The following CFAP97D2 variants were observed in gnomAD, a reference collection of about 807,000 sequenced individuals.
CFAP97D2 encodes the protein uncharacterized protein CFAP97D2.
intron 1 of CFAP97D2, among the ~76,000 whole-genome samples, chr13:114,191,320 G>A (rs1286401966): frequency 6.6e-6 from 1 of 152,172 alleles, no homozygotes; most frequent in Non-Finnish European, 1.5e-5. Flanking sequence ...ACAATGTCTG[G>A]AGAATCAGGA....
chr13:114,212,696 C>CA (rs2080973148), intron 4 of CFAP97D2, among the ~76,000 whole-genome samples: 1 of 151,894 alleles, frequency 6.6e-6, no homozygotes, highest in Non-Finnish European at 1.5e-5. Context: ...AAAAAAAATA[C>CA]AAAAAATTAG....
At chr13:114,210,121 A>C (rs1566615944) in intron 3 of CFAP97D2, among the ~76,000 whole-genome samples, 1 of 152,184 alleles carries the variant, frequency 6.6e-6, no homozygotes, top group African/African-American at 2.4e-5. Flanking sequence ...CCAAATATAT[A>C]ATAGAGTTAT....
rs150888510 is a variant in CFAP97D2, at chr13:114,179,429, G to C, written c.90+9G>C. 12 of 398,660 alleles carry C rather than the reference G, an allele frequency of 3.0e-5. No individual in the cohort carries two copies. The Admixed American group carries it at 5.3e-4, about 18-fold the overall frequency. 24.7% of individuals were successfully genotyped at this position (398,660 alleles called of 1,614,324 possible). ...AGGACCACAGGAGAAAGGTAGGAAA[G>C]TCCCCAATCCAGCCCTGACAGCTCA... On this transcript the variant is annotated intron_variant, in intron 1 of 4. Coordinates refer to ENST00000646158, the Ensembl canonical transcript of CFAP97D2. This position sits in a 1 kb window ranked among gnomAD's most constrained non-coding sequence, Gnocchi z 4.8.
chr13:114,180,927 C>CAG (rs2080829730), intron 1 of CFAP97D2, among the ~76,000 whole-genome samples: 1 of 152,164 alleles, frequency 6.6e-6, no homozygotes, highest in African/African-American at 2.4e-5. Context: ...ATGGGAGGTG[C>CAG]AGAGATGATT....
In CFAP97D2 at chr13:114,207,624, CA is replaced by C. The variant is rs1359331162; in HGVS notation, c.291-4287del. On this transcript the variant is annotated intron_variant, in intron 3 of 4. Transcript: ENST00000646158. The surrounding 1 kb of genome is among the most constrained non-coding windows in gnomAD (Gnocchi z 4.9). ...CAGCAATGGGGAGTGGCTGTGAATA[CA>C]GATGAAGCTTCGCTCCCTCGCCTGC... Among the ~76,000 whole-genome samples the C allele has an allele frequency of 2.0e-5, 3 of 152,212 alleles. No homozygotes were observed. The highest frequency in any genetic ancestry group is 7.2e-5 in the African/African-American group (3 of 41,456).
chr13:114,181,824 A>G (rs1360792496), intron 1 of CFAP97D2, among the ~76,000 whole-genome samples: 2 of 152,150 alleles, frequency 1.3e-5, no homozygotes, highest in Non-Finnish European at 2.9e-5. Context: ...CCTCATCCTC[A>G]GCCCAGCCTT....
intron 3 of CFAP97D2, among the ~76,000 whole-genome samples, chr13:114,209,639 G>T (rs1360807434): frequency 6.6e-6 from 1 of 152,142 alleles, no homozygotes; most frequent in Non-Finnish European, 1.5e-5. Context: ...TGCTCGTTCT[G>T]GCTCCACCGT....
At chr13:114,201,950 AC>A (rs2080919644) in intron 3 of CFAP97D2, among the ~76,000 whole-genome samples, 1 of 152,136 alleles carries the variant, frequency 6.6e-6, no homozygotes, top group South Asian at 2.1e-4. Context: ...CATATGATAC[AC>A]CCATGACACC....
Position 114,216,002 on chromosome 13 carries a change from C to T in CFAP97D2, c.480+3901C>T, listed in dbSNP as rs148615462. 2.4e-3 allele frequency among the ~76,000 whole-genome samples: 372 copies of T among 152,292 alleles called. 1 individual carries two copies. Among genetic ancestry groups the T allele is most frequent in the African/African-American group, 8.1e-3 (337 of 41,554 alleles). On this transcript the variant is annotated intron_variant, in intron 4 of 4. Coordinates refer to ENST00000646158, the Ensembl canonical transcript of CFAP97D2. ...TTTTGGGGATGAGATTTAACAATCCCGCACATGTCTTGTTTCTAGGTATGA... is the reference window on the plus strand; with the variant it reads ...TTTTGGGGATGAGATTTAACAATCCTGCACATGTCTTGTTTCTAGGTATGA...
Position 114,185,010 on chromosome 13 carries a change from G to A in CFAP97D2, c.90+5590G>A, listed in dbSNP as rs1473513212. On this transcript the variant is annotated intron_variant, in intron 1 of 4. Coordinates refer to ENST00000646158, the Ensembl canonical transcript of CFAP97D2. This position sits in a 1 kb window ranked among gnomAD's most constrained non-coding sequence, Gnocchi z 5.2. ...CACTGTCATCATGTCAGTTGCAGTG[G>A]GTGGGGGGTGGTGCATGGGTGGTGG... is the stretch of plus-strand genomic sequence containing the variant. Among the ~76,000 whole-genome samples, 1 of 152,188 alleles carries A rather than the reference G, an allele frequency of 6.6e-6. No homozygotes were observed.
rs749117725 is a variant in CFAP97D2, at chr13:114,222,006, A to G, written c.481-492A>G. On this transcript the variant is annotated intron_variant, in intron 4 of 4. Coordinates refer to ENST00000646158, the Ensembl canonical transcript of CFAP97D2. The surrounding 1 kb of genome is among the most constrained non-coding windows in gnomAD (Gnocchi z 4.4). The stretch of plus-strand genomic sequence containing the variant: ...AGATAAAACGTGGTATAGCCATAGA[A>G]TGGAATATTATTCTACCATAAAAAG... Among the ~76,000 whole-genome samples, 1 of 152,262 alleles carries G rather than the reference A, an allele frequency of 6.6e-6. No homozygotes were observed. The highest frequency in any genetic ancestry group is 1.5e-5 in the Non-Finnish European group (1 of 68,048).
chr13:114,221,018 A>G (rs1293128010), intron 4 of CFAP97D2, among the ~76,000 whole-genome samples: 2 of 152,234 alleles, frequency 1.3e-5, no homozygotes, highest in Non-Finnish European at 2.9e-5. Flanking sequence ...GGAGGCCGAG[A>G]CAGGCGGATC....
chr13:114,188,271 CA>C (rs35727895), intron 1 of CFAP97D2, among the ~76,000 whole-genome samples: 11,416 of 84,534 alleles, frequency 0.14, 620 homozygotes, highest in African/African-American at 0.27. Flanking sequence ...GACCCTGTCT[CA>C]AAAAAAAAAA....
At chr13:114,182,540 A>G (rs942652233) in intron 1 of CFAP97D2, among the ~76,000 whole-genome samples, 8 of 151,996 alleles carry the variant, frequency 5.3e-5, no homozygotes, top group Non-Finnish European at 1.0e-4. Context: ...ACGAGGCCGT[A>G]TTTCAGACTA....
At chr13:114,191,154 G>C (rs2080867910) in intron 1 of CFAP97D2, among the ~76,000 whole-genome samples, 1 of 151,968 alleles carries the variant, frequency 6.6e-6, no homozygotes, top group South Asian at 2.1e-4. Flanking sequence ...AGAACACCTA[G>C]AGGACCATGA....
In CFAP97D2 at chr13:114,185,550, G is replaced by T. The variant is rs916674613; in HGVS notation, c.90+6130G>T. 3.3e-5 allele frequency among the ~76,000 whole-genome samples: 5 copies of T among 152,224 alleles called. No individual in the cohort carries two copies. The highest frequency in any genetic ancestry group is 5.9e-5 in the Non-Finnish European group (4 of 68,034). ...GCCATGGCTGCGGACCCAGGCATGT[G>T]TGTGGTTCTGCACTCTCAGGAGCCC... On this transcript the variant is annotated intron_variant, in intron 1 of 4. Coordinates refer to ENST00000646158, the Ensembl canonical transcript of CFAP97D2. The surrounding 1 kb of genome is among the most constrained non-coding windows in gnomAD (Gnocchi z 5.2).
chr13:114,216,358 CTA>C (rs2080993162), intron 4 of CFAP97D2, among the ~76,000 whole-genome samples: 1 of 152,098 alleles, frequency 6.6e-6, no homozygotes, highest in Admixed American at 6.5e-5. Context: ...TGTTACATAT[CTA>C]TATATGTGCC....
intron 1 of CFAP97D2, among the ~76,000 whole-genome samples, chr13:114,182,338 T>G (rs1477000555): frequency 5.9e-5 from 9 of 152,112 alleles, no homozygotes; most frequent in African/African-American, 2.2e-4. Flanking sequence ...ATAGGGCTGT[T>G]TTTCTCCTAT....
chr13:114,219,289 T>C (rs956624129), intron 4 of CFAP97D2, among the ~76,000 whole-genome samples: 3 of 152,256 alleles, frequency 2.0e-5, no homozygotes, highest in Non-Finnish European at 4.4e-5. Context: ...CGCTCAGTTT[T>C]ATCCATTTAT....
Sources: gnomAD v4.1 joint callset for allele counts (sites outside exome capture counted in the v4.1 genomes callset) on GRCh38, gnomAD v4.1.1 for gene constraint, Gnocchi (gnomAD v3.1) non-coding constraint, MANE v1.5 for transcripts, NCBI Gene and HGNC (gene_info 2026-07-23, HGNC 2026-07-21) for gene names.